TMCO5A: variants seen among roughly 807,000 people sequenced by gnomAD.
TMCO5A encodes transmembrane and coiled-coil domain-containing protein 5A.
TMCO5A carries 34 observed loss-of-function variants against 42.3 expected under a neutral mutation model. The ratio of observed to expected loss-of-function variants is 0.80; its 90% CI spans 0.61 to 1.07. The LOEUF is 1.07. TMCO5A is among the 50% of genes least tolerant of loss of function. The pLI is 0.00. For synonymous variants in TMCO5A, 131 were observed against 115.6 expected, an observed-to-expected ratio of 1.13 and a Z score of -0.86; for missense variants, 357 against 327.9, an observed-to-expected ratio of 1.09 and a Z score of -0.69.
At chr15:38,000,571 CTT>C in the TMCO5A span, among the ~76,000 whole-genome samples, 3 of 151,740 alleles carry the variant, frequency 2.0e-5, no homozygotes, top group East Asian at 1.9e-4. Flanking sequence ...TTGATTTGCT[CTT>C]GTTTTTCCAG....
At chr15:37,996,254 G>A in the TMCO5A span, among the ~76,000 whole-genome samples, 3 of 152,190 alleles carry the variant, frequency 2.0e-5, no homozygotes, top group Admixed American at 2.0e-4. Context: ...GGGAGTATGT[G>A]GGGGAGCACT....
chr15:38,032,610 G>A, the TMCO5A span, among the ~76,000 whole-genome samples: 1 of 152,054 alleles, frequency 6.6e-6, no homozygotes, highest in Non-Finnish European at 1.5e-5. Flanking sequence ...AATCCAGTGG[G>A]GTCAATGCCT....
the TMCO5A span, among the ~76,000 whole-genome samples, chr15:37,994,362 G>A: frequency 6.6e-6 from 1 of 152,208 alleles, no homozygotes; most frequent in Admixed American, 6.5e-5. Context: ...AGATTTTCCA[G>A]TGGCTAGTAG....
chr15:37,945,190 T>C (rs1889901348), intron 10 of TMCO5A, among the ~76,000 whole-genome samples: 1 of 152,174 alleles, frequency 6.6e-6, no homozygotes, highest in Non-Finnish European at 1.5e-5. Flanking sequence ...CCCATGTCCC[T>C]GCAAAGGACA....
the TMCO5A span, among the ~76,000 whole-genome samples, chr15:37,997,812 A>G: frequency 6.6e-6 from 1 of 152,182 alleles, no homozygotes; most frequent in Non-Finnish European, 1.5e-5. Context: ...GGATGTACTA[A>G]TACACATTCA....
chr15:38,006,970 TA>T, the TMCO5A span, among the ~76,000 whole-genome samples: 14 of 150,894 alleles, frequency 9.3e-5, no homozygotes, highest in East Asian at 5.8e-4. Context: ...GACAATGGAT[TA>T]AAAAAAAATG....
chr15:37,974,229 T>C, the TMCO5A span, among the ~76,000 whole-genome samples: 2,058 of 152,300 alleles, frequency 0.014, 45 homozygotes, highest in African/African-American at 0.047. Context: ...TTTCCTTTTG[T>C]TCTTTCTGTG....
At chr15:38,011,851 A>G in the TMCO5A span, among the ~76,000 whole-genome samples, 170 of 152,288 alleles carry the variant, frequency 1.1e-3, 1 homozygote, top group Non-Finnish European at 1.8e-3. Flanking sequence ...CTGGCCAGGC[A>G]TGGTGGCTCA....
the TMCO5A span, among the ~76,000 whole-genome samples, chr15:38,030,481 C>T: frequency 2.3e-4 from 35 of 152,274 alleles, no homozygotes; most frequent in Non-Finnish European, 4.4e-4. Flanking sequence ...CTCTAAATTC[C>T]TCTGCCAGCC....
the TMCO5A span, among the ~76,000 whole-genome samples, chr15:37,982,822 A>G: frequency 4.1e-5 from 6 of 147,856 alleles, no homozygotes; most frequent in African/African-American, 7.4e-5. Context: ...TCATATATAT[A>G]TGTGTGTGTA....
downstream of TMCO5A, among the ~76,000 whole-genome samples, chr15:37,968,294 A>G (rs950200482): frequency 6.6e-6 from 1 of 152,070 alleles, no homozygotes; most frequent in African/African-American, 2.4e-5. Context: ...TCAGGAAGTC[A>G]GGCTACTCTC....
chr15:37,944,550 T>A (rs1288957424), intron 10 of TMCO5A: 1 of 152,110 alleles, frequency 6.6e-6, no homozygotes, highest in Non-Finnish European at 1.5e-5. Flanking sequence ...AAATTTGTAA[T>A]CCTAAAAGTT....
At chr15:38,035,318 T>G in the TMCO5A span, among the ~76,000 whole-genome samples, 3 of 152,170 alleles carry the variant, frequency 2.0e-5, no homozygotes, top group African/African-American at 7.2e-5. Context: ...TATGTACCAT[T>G]TAACCAAGGC....
the TMCO5A span, among the ~76,000 whole-genome samples, chr15:37,982,312 G>A: frequency 1.1e-4 from 16 of 151,628 alleles, no homozygotes; most frequent in South Asian, 1.9e-3. Context: ...ACACCTATGC[G>A]CACACTGAAG....
In TMCO5A at chr15:37,936,388, G is replaced by A; in HGVS notation, c.65G>A (p.Arg22Lys). The part of the protein sequence containing the change: ...NIISLNMDLE[R>K]DTQRIDEANQ... ...ATCAGTTTGAACATGGACCTTGAAA[G>A]GGATACGCAGAGAATAGATGAAGCA... is the stretch of plus-strand genomic sequence containing the variant. The change falls in exon 3 of 12, where the codon AGG becomes AAG. Residue 22 changes from arginine to lysine, a missense_variant. By Grantham distance (26) the Arg-to-Lys change is conservative. Coordinates refer to ENST00000319669, the MANE Select transcript of TMCO5A (RefSeq NM_152453.4). The A allele has an allele frequency of 6.2e-7, 1 of 1,613,080 alleles. No individual in the cohort carries two copies. Among genetic ancestry groups the A allele is most frequent in the South Asian group, 1.1e-5 (1 of 91,018 alleles).
chr15:37,999,141 G>A, the TMCO5A span, among the ~76,000 whole-genome samples: 7 of 152,146 alleles, frequency 4.6e-5, no homozygotes, highest in Non-Finnish European at 1.0e-4. Context: ...CCCGACCTCA[G>A]GTGATCTGCC....
At chr15:37,979,808 G>T in the TMCO5A span, among the ~76,000 whole-genome samples, 1 of 152,274 alleles carries the variant, frequency 6.6e-6, no homozygotes, top group African/African-American at 2.4e-5. Context: ...GGGCAGAGCT[G>T]CTACCAGCAC....
the TMCO5A span, among the ~76,000 whole-genome samples, chr15:37,978,508 C>T: frequency 6.6e-6 from 1 of 152,172 alleles, no homozygotes; most frequent in Non-Finnish European, 1.5e-5. Context: ...CTGAGTTCCT[C>T]TCCATAGGGT....
the TMCO5A span, among the ~76,000 whole-genome samples, chr15:38,028,745 C>T: frequency 6.6e-6 from 1 of 152,100 alleles, no homozygotes; most frequent in Non-Finnish European, 1.5e-5. Context: ...GTCTGAAAAG[C>T]AGCAATGGTA....
Sources: allele counts gnomAD v4.1 joint callset (sites outside exome capture counted in the v4.1 genomes callset), GRCh38; gene constraint gnomAD v4.1.1; transcripts MANE v1.5; gene names NCBI Gene and HGNC (gene_info 2026-07-23, HGNC 2026-07-21).